The following AGMO variants were observed in gnomAD, a reference collection of about 807,000 sequenced individuals.
AGMO encodes glyceryl-ether monooxygenase.
AGMO carries 75 observed loss-of-function variants against 60.2 expected under a neutral mutation model. The observed-to-expected ratio is 1.25, with a 90% CI of 1.03 to 1.51. The LOEUF is 1.51. Ranked by LOEUF, AGMO falls within the 40% of genes most tolerant of loss-of-function variation. AGMO has a pLI of 0.00. For synonymous variants in AGMO, 261 were observed against 177.1 expected (o/e 1.47, Z -3.76); for missense variants, 763 against 525.5 (o/e 1.45, Z -4.42).
chr7:15,456,030 T>C (rs1024556533), intron 3 of AGMO, among the ~76,000 whole-genome samples: 7 of 152,102 alleles, frequency 4.6e-5, no homozygotes, highest in Non-Finnish European at 8.8e-5. Flanking sequence ...GAGAAAAACA[T>C]GTTGGCTATG....
chr7:15,507,924 T>C (rs1216503398), intron 3 of AGMO, among the ~76,000 whole-genome samples: 1 of 152,070 alleles, frequency 6.6e-6, no homozygotes, highest in Non-Finnish European at 1.5e-5. Context: ...GGATAGGTCC[T>C]GAGGTGATGA....
At chr7:15,230,446 T>C (rs1782226836) in intron 12 of AGMO, among the ~76,000 whole-genome samples, 1 of 152,174 alleles carries the variant, frequency 6.6e-6, no homozygotes, top group Non-Finnish European at 1.5e-5. Context: ...ATGGGACCTA[T>C]GTCAGGGACC....
chr7:15,397,214 A>G (rs544315557), intron 5 of AGMO, among the ~76,000 whole-genome samples: 2 of 152,278 alleles, frequency 1.3e-5, no homozygotes, highest in East Asian at 3.9e-4. Flanking sequence ...GTCCTGGCCT[A>G]CGACCCCGCG....
intron 3 of AGMO, among the ~76,000 whole-genome samples, chr7:15,460,123 T>TTTTTG: frequency 6.7e-6 from 1 of 149,052 alleles, no homozygotes; most frequent in Non-Finnish European, 1.5e-5. Context: ...TTTTGTTTTT[T>TTTTTG]TGAGAAGGTG....
chr7:15,472,238 A>C (rs776478157), intron 3 of AGMO, among the ~76,000 whole-genome samples: 7 of 151,880 alleles, frequency 4.6e-5, no homozygotes, highest in Non-Finnish European at 8.8e-5. Flanking sequence ...GATAATAATC[A>C]CAGTGTCATA....
chr7:15,120,932 T>G, the AGMO span, among the ~76,000 whole-genome samples: 1 of 152,026 alleles, frequency 6.6e-6, no homozygotes, highest in Non-Finnish European at 1.5e-5. Context: ...TTTTAAGCCC[T>G]GCATGCATTA....
In AGMO at chr7:15,514,041, T is replaced by C. The variant is rs916884315; in HGVS notation, c.409+30731A>G. On this transcript the variant is annotated intron_variant, in intron 3 of 12. Coordinates refer to ENST00000342526, the MANE Select transcript of AGMO (RefSeq NM_001004320.2). ...TCTCAATCTCTCTCAAAGCTTTTAA[T>C]ACCACCAATATGCTAAAGATGTACA... 2.0e-5 allele frequency among the ~76,000 whole-genome samples: 3 copies of C among 152,326 alleles called. No individual in the cohort carries two copies. The East Asian group carries it at 5.8e-4, about 29-fold the overall frequency.
intron 12 of AGMO, among the ~76,000 whole-genome samples, chr7:15,278,074 T>C (rs1278831411): frequency 6.6e-6 from 1 of 152,082 alleles, no homozygotes; most frequent in African/African-American, 2.4e-5. Flanking sequence ...ATGCATACTA[T>C]AGTCTACCTC....
At chr7:15,122,105 C>A in the AGMO span, among the ~76,000 whole-genome samples, 2 of 151,928 alleles carry the variant, frequency 1.3e-5, no homozygotes, top group Admixed American at 1.3e-4. Context: ...GAAACTATCA[C>A]CAAAGTGAAC....
At chr7:15,302,124 C>G (rs1188932785) in intron 12 of AGMO, among the ~76,000 whole-genome samples, 1 of 151,470 alleles carries the variant, frequency 6.6e-6, no homozygotes, top group Non-Finnish European at 1.5e-5. Context: ...AATTCACAAT[C>G]AAAACATTAA....
chr7:15,430,571 C>A (rs1440883784), intron 4 of AGMO, among the ~76,000 whole-genome samples: 1 of 138,818 alleles, frequency 7.2e-6, no homozygotes, highest in Non-Finnish European at 1.5e-5. Flanking sequence ...GCAAAGCATT[C>A]AACTAGATTT....
chr7:15,507,940 G>T (rs1369790938), intron 3 of AGMO, among the ~76,000 whole-genome samples: 3 of 151,976 alleles, frequency 2.0e-5, no homozygotes, highest in Non-Finnish European at 2.9e-5. Flanking sequence ...GATGACTGCT[G>T]GGATGGGTGA....
At chr7:15,356,674 T>C (rs1782540877) in intron 12 of AGMO, among the ~76,000 whole-genome samples, 1 of 152,006 alleles carries the variant, frequency 6.6e-6, no homozygotes. Context: ...TAATTTTATT[T>C]AGAATGGTGT....
At chr7:15,496,716 T>A (rs777749751) in intron 3 of AGMO, among the ~76,000 whole-genome samples, 5 of 152,210 alleles carry the variant, frequency 3.3e-5, no homozygotes, top group Non-Finnish European at 7.3e-5. Flanking sequence ...TCTGGTTTAT[T>A]GAAATATGTA....
chr7:15,273,636 T>TA (rs2128515102), intron 12 of AGMO, among the ~76,000 whole-genome samples: 2 of 152,296 alleles, frequency 1.3e-5, no homozygotes, highest in East Asian at 3.9e-4. Context: ...AACTTTAAAG[T>TA]AGTTTTTTCC....
intron 12 of AGMO, among the ~76,000 whole-genome samples, chr7:15,254,215 C>G (rs1024790560): frequency 6.6e-6 from 1 of 152,184 alleles, no homozygotes; most frequent in African/African-American, 2.4e-5. Context: ...AGATGTCTCT[C>G]TAACATATTG....
intron 12 of AGMO, among the ~76,000 whole-genome samples, chr7:15,251,744 T>C (rs923956891): frequency 4.6e-5 from 7 of 152,170 alleles, no homozygotes; most frequent in African/African-American, 4.8e-5. Context: ...ATGTAGAAGA[T>C]AACAGAAGTA....
chr7:15,157,750 T>G, the AGMO span, among the ~76,000 whole-genome samples: 2 of 152,346 alleles, frequency 1.3e-5, no homozygotes, highest in African/African-American at 4.8e-5. Context: ...ACATCTTATT[T>G]CTCGACCTTA....
chr7:15,326,551 C>T (rs1781344669), intron 12 of AGMO, among the ~76,000 whole-genome samples: 1 of 152,158 alleles, frequency 6.6e-6, no homozygotes, highest in African/African-American at 2.4e-5. Flanking sequence ...GTTATTCCAG[C>T]TCCTCTTGCC....
Sources: gnomAD v4.1 joint callset for allele counts (sites outside exome capture counted in the v4.1 genomes callset) on GRCh38, gnomAD v4.1.1 for gene constraint, MANE v1.5 for transcripts, NCBI Gene and HGNC (gene_info 2026-07-23, HGNC 2026-07-21) for gene names.